The following SEMA6D variants were observed in gnomAD, a reference collection of about 807,000 sequenced individuals.
The protein encoded by SEMA6D is semaphorin-6D.
In SEMA6D, 35 loss-of-function variants were observed where a neutral mutation model predicts 106.6. That is an observed-to-expected ratio of 0.33 (90% CI 0.25 to 0.44). The LOEUF is 0.44. Among genes scored for constraint, SEMA6D ranks in the 20% least tolerant of loss-of-function variants. The pLI is 1.00. For synonymous variants in SEMA6D, 499 were observed against 487.7 expected, an observed-to-expected ratio of 1.02 and a Z score of -0.31; for missense variants, 1,185 against 1,345.9, an observed-to-expected ratio of 0.88 and a Z score of 1.87.
chr15:47,621,921 A>T (rs1346031161), intron 4 of SEMA6D, among the ~76,000 whole-genome samples: 1 of 152,172 alleles, frequency 6.6e-6, no homozygotes, highest in African/African-American at 2.4e-5. Context: ...TTCAAGCACA[A>T]CACTTTAACC....
chr15:47,657,719 C>CTTTTTTTTT lies in SEMA6D; in HGVS notation c.-55+56855_-55+56863dup, dbSNP rs71118191. ...CATTTAGTGACAGAGGGCTTCATTT[C>CTTTTTTTTT]TTTTTTTTTTTTTTTTTTTTTTTTT... is the stretch of plus-strand genomic sequence containing the variant. On this transcript the variant is annotated intron_variant, in intron 4 of 19. Coordinates refer to the SEMA6D transcript ENST00000558014. Among the ~76,000 whole-genome samples, 182 of 54,678 alleles carry CTTTTTTTTT rather than the reference C, an allele frequency of 3.3e-3. 55 individuals carry two copies. The highest frequency in any genetic ancestry group is 4.1e-3 in the African/African-American group (48 of 11,746). The allele number at this position is 54,678 out of a possible 152,430, so 35.9% of individuals were successfully genotyped here.
rs769060967 is a variant in SEMA6D, at chr15:47,770,544, A to G, written c.1981A>G (p.Met661Val). 1.2e-6 allele frequency: 2 copies of G among 1,611,794 alleles called. No individual in the cohort carries two copies. The highest frequency in any genetic ancestry group is 1.3e-5 in the African/African-American group (1 of 74,902). ...TGGAGAGTCCAACCAGATGGTCCAC[A>G]TGAATGTCCTCATCACCTGTGTCTT... ...QSGESNQMVH[M>V]NVLITCVFAA... The change falls in exon 19 of 19, where the codon ATG (methionine) becomes GTG (valine). Residue 661 changes from methionine (M) to valine (V), a missense_variant. By Grantham distance (21) the Met-to-Val change is conservative (BLOSUM62 1). Transcript: ENST00000536845.
At chr15:47,552,151 C>T (rs1268730804) in intron 3 of SEMA6D, among the ~76,000 whole-genome samples, 1 of 152,056 alleles carries the variant, frequency 6.6e-6, no homozygotes, top group Admixed American at 6.6e-5. Flanking sequence ...TGAACTATGG[C>T]ACAGACATTC....
intron 1 of SEMA6D, among the ~76,000 whole-genome samples, chr15:47,310,779 T>C (rs1391188347): frequency 2.0e-5 from 3 of 152,200 alleles, no homozygotes; most frequent in African/African-American, 4.8e-5. Flanking sequence ...TCATAGTCTA[T>C]GGGAGTACTC....
At chr15:47,601,807 G>T (rs2076665244) in intron 4 of SEMA6D, among the ~76,000 whole-genome samples, 1 of 151,948 alleles carries the variant, frequency 6.6e-6, no homozygotes, top group African/African-American at 2.4e-5. Flanking sequence ...ATTAACTATG[G>T]GTCCATCTAC....
In SEMA6D at chr15:47,298,092, T is replaced by C. The variant is rs77975944; in HGVS notation, c.-239+113674T>C. On this transcript the variant is annotated intron_variant, in intron 1 of 19. Transcript: ENST00000558014. ...CTGATTTATACTCTAACAGGATCACTTTAAAAGGGAACAGTTAATGACTAA... is the reference window on the plus strand; with the variant it reads ...CTGATTTATACTCTAACAGGATCACCTTAAAAGGGAACAGTTAATGACTAA... Among the ~76,000 whole-genome samples the C allele has an allele frequency of 8.7e-3, 1,327 of 152,286 alleles. 19 individuals are homozygous for C. Among genetic ancestry groups the C allele is most frequent in the African/African-American group, 0.031 (1,268 of 41,564 alleles).
intron 1 of SEMA6D, among the ~76,000 whole-genome samples, chr15:47,348,660 A>T (rs546697231): frequency 1.5e-4 from 21 of 141,106 alleles, no homozygotes; most frequent in African/African-American, 5.5e-4. Flanking sequence ...GGCCACCTTG[A>T]CTCAAGAGTA....
At chr15:47,516,371 T>C (rs771933025) in intron 3 of SEMA6D, among the ~76,000 whole-genome samples, 2 of 152,138 alleles carry the variant, frequency 1.3e-5, no homozygotes, top group Non-Finnish European at 1.5e-5. Context: ...GTCTATTTGC[T>C]CCCAAAAGAT....
intron 3 of SEMA6D, among the ~76,000 whole-genome samples, chr15:47,575,619 T>G (rs1163622170): frequency 6.6e-6 from 1 of 152,076 alleles, no homozygotes; most frequent in Non-Finnish European, 1.5e-5. Context: ...CCCGGGAGGC[T>G]GAGGCAGGAG....
intron 3 of SEMA6D, among the ~76,000 whole-genome samples, chr15:47,552,118 C>T (rs1450570724): frequency 6.6e-6 from 1 of 151,918 alleles, no homozygotes; most frequent in African/African-American, 2.4e-5. Flanking sequence ...ATCTAAGTGC[C>T]CAATAGTAGA....
chr15:47,573,213 TCAA>T (rs1450035422), intron 3 of SEMA6D, among the ~76,000 whole-genome samples: 1 of 151,548 alleles, frequency 6.6e-6, no homozygotes, highest in Non-Finnish European at 1.5e-5. Context: ...AACAAAAAAA[TCAA>T]CAGCTGAACT....
At chr15:47,462,105 C>T (rs763890684) in intron 2 of SEMA6D, among the ~76,000 whole-genome samples, 3 of 152,126 alleles carry the variant, frequency 2.0e-5, no homozygotes, top group Admixed American at 6.6e-5. Context: ...TTCCAGACCA[C>T]GCCAGTGTGA....
intron 2 of SEMA6D, among the ~76,000 whole-genome samples, chr15:47,464,255 G>A (rs2042596158): frequency 6.6e-6 from 1 of 152,020 alleles, no homozygotes; most frequent in Non-Finnish European, 1.5e-5. Flanking sequence ...GCAGTTAGGA[G>A]GAATAAAGTA....
intron 9 of SEMA6D, 72 bp from the exon 10 acceptor site, chr15:47,763,778 A>G: frequency 7.5e-7 from 1 of 1,333,932 alleles, no homozygotes; most frequent in Non-Finnish European, 1.1e-6. Context: ...TCCCTCCCTT[A>G]AACAGTATCA....
At chr15:47,286,532 A>AT (rs978867667) in intron 1 of SEMA6D, among the ~76,000 whole-genome samples, 10 of 152,058 alleles carry the variant, frequency 6.6e-5, no homozygotes, top group East Asian at 3.9e-4. Context: ...TTGTTTTACA[A>AT]TTTTTTTTGC....
At chr15:47,326,379 G>A (rs945083705) in intron 1 of SEMA6D, among the ~76,000 whole-genome samples, 10 of 152,156 alleles carry the variant, frequency 6.6e-5, no homozygotes, top group Admixed American at 6.5e-4. Context: ...ATTCCATTTG[G>A]CTTGCCCTGT....
chr15:47,327,633 A>G (rs1421787784), intron 1 of SEMA6D, among the ~76,000 whole-genome samples: 1 of 152,194 alleles, frequency 6.6e-6, no homozygotes, highest in East Asian at 1.9e-4. Context: ...TAAATATTAG[A>G]TGGTATGCAA....
chr15:47,360,015 T>G (rs557763383), intron 1 of SEMA6D: 1 of 152,160 alleles, frequency 6.6e-6, no homozygotes, highest in African/African-American at 2.4e-5. Context: ...ACGTAGGCCT[T>G]CAGGCTGAGA....
intron 3 of SEMA6D, among the ~76,000 whole-genome samples, chr15:47,574,475 A>C (rs1380304450): frequency 6.6e-6 from 1 of 152,160 alleles, no homozygotes; most frequent in African/African-American, 2.4e-5. Flanking sequence ...AAACAACTCT[A>C]TTACTTTTTC....
Sources: allele counts gnomAD v4.1 joint callset (sites outside exome capture counted in the v4.1 genomes callset), GRCh38; gene constraint gnomAD v4.1.1; transcripts MANE v1.5; gene names NCBI Gene and HGNC (gene_info 2026-07-23, HGNC 2026-07-21).